SPIDR: variants seen among roughly 807,000 people sequenced by gnomAD.
SPIDR encodes the protein DNA repair-scaffolding protein.
SPIDR carries 93 observed loss-of-function variants against 104.6 expected under a neutral mutation model. That is an observed-to-expected ratio of 0.89 (90% CI 0.75 to 1.06). SPIDR has a LOEUF of 1.06. Ranked by LOEUF, SPIDR falls within the 50% of genes least tolerant of loss-of-function variation. The pLI, the probability that SPIDR is intolerant of heterozygous loss-of-function variation, is 0.00. For synonymous variants in SPIDR, 431 were observed against 416.9 expected (o/e 1.03, Z -0.41); for missense variants, 1,154 against 1,111.2 (o/e 1.04, Z -0.55).
chr8:47,551,275 C>T (rs922285780), intron 8 of SPIDR, among the ~76,000 whole-genome samples: 2 of 152,204 alleles, frequency 1.3e-5, no homozygotes, highest in Non-Finnish European at 2.9e-5. Flanking sequence ...CAGGATGATG[C>T]TGGCCTCATA....
At chr8:47,658,131 C>T (rs1419629589) in intron 10 of SPIDR, among the ~76,000 whole-genome samples, 2 of 151,498 alleles carry the variant, frequency 1.3e-5, no homozygotes, top group African/African-American at 4.8e-5. Flanking sequence ...AATTATACGA[C>T]GTCTTGGCCG....
At chr8:47,677,094 G>T (rs1020467810) in intron 11 of SPIDR, among the ~76,000 whole-genome samples, 1 of 152,186 alleles carries the variant, frequency 6.6e-6, no homozygotes, top group Non-Finnish European at 1.5e-5. Context: ...ATGCAGCATG[G>T]CCTGTGCTTC....
intron 5 of SPIDR, among the ~76,000 whole-genome samples, chr8:47,379,767 A>C (rs899980168): frequency 6.6e-6 from 1 of 152,142 alleles, no homozygotes; most frequent in Admixed American, 6.5e-5. Context: ...ATTCAAGCCC[A>C]TGTGCCTGCG....
At chr8:47,550,745 T>C (rs937484271) in intron 8 of SPIDR, among the ~76,000 whole-genome samples, 16 of 152,196 alleles carry the variant, frequency 1.1e-4, no homozygotes, top group Admixed American at 2.6e-4. Context: ...CATTTCCTAA[T>C]TGAATACCCT....
chr8:47,625,326 C>T (rs1426579495), intron 10 of SPIDR, among the ~76,000 whole-genome samples: 1 of 152,174 alleles, frequency 6.6e-6, no homozygotes, highest in Non-Finnish European at 1.5e-5. Context: ...AAAACTGGCA[C>T]AAGACAGGGA....
At chr8:47,542,149 C>T (rs1542721) in intron 8 of SPIDR, among the ~76,000 whole-genome samples, 21,459 of 151,180 alleles carry the variant, frequency 0.14, 2,050 homozygotes, top group Middle Eastern at 0.29. Context: ...CTGTAAGCAA[C>T]GTCGTCTTAA....
intron 10 of SPIDR, among the ~76,000 whole-genome samples, chr8:47,644,412 C>T (rs890011939): frequency 2.0e-5 from 3 of 152,170 alleles, no homozygotes; most frequent in African/African-American, 4.8e-5. Context: ...ATGACGTAAT[C>T]GTGTTACCTT....
At chr8:47,579,025 A>G (rs1409848204) in intron 8 of SPIDR, among the ~76,000 whole-genome samples, 2 of 152,168 alleles carry the variant, frequency 1.3e-5, no homozygotes, top group African/African-American at 4.8e-5. Flanking sequence ...GTTTAGAGTC[A>G]TTTTCTAAGA....
intron 5 of SPIDR, among the ~76,000 whole-genome samples, chr8:47,317,127 C>T (rs2045523221): frequency 6.6e-6 from 1 of 152,118 alleles, no homozygotes; most frequent in Non-Finnish European, 1.5e-5. Flanking sequence ...GTACAGTGCA[C>T]CCAGCGTGAG....
At chr8:47,702,346 C>T (rs2080411847) in intron 14 of SPIDR, among the ~76,000 whole-genome samples, 2 of 152,098 alleles carry the variant, frequency 1.3e-5, no homozygotes, top group African/African-American at 4.8e-5. Context: ...CTTCTCAGCC[C>T]AGTAATGTTC....
chr8:47,357,845 C>T (rs552646082), intron 5 of SPIDR: 571 of 984,644 alleles, frequency 5.8e-4, no homozygotes, highest in Non-Finnish European at 6.4e-4. Context: ...ACATGTTAAT[C>T]GTCTAGTGTT....
chr8:47,522,283 A>G (rs2084284632), intron 8 of SPIDR, among the ~76,000 whole-genome samples: 1 of 152,124 alleles, frequency 6.6e-6, no homozygotes, highest in Non-Finnish European at 1.5e-5. Flanking sequence ...TTCCCAATGG[A>G]GCATGTGCTT....
chr8:47,274,014 TC>T (rs2035862334), intron 1 of SPIDR, among the ~76,000 whole-genome samples: 2 of 152,024 alleles, frequency 1.3e-5, no homozygotes, highest in Admixed American at 1.3e-4. Context: ...GTGACCCCAT[TC>T]TCAAGTTATC....
chr8:47,410,980 G>C (rs1479238928), intron 7 of SPIDR, among the ~76,000 whole-genome samples: 1 of 152,148 alleles, frequency 6.6e-6, no homozygotes, highest in Non-Finnish European at 1.5e-5. Context: ...CCCTACAAAG[G>C]ACATGAACTC....
intron 14 of SPIDR, among the ~76,000 whole-genome samples, chr8:47,710,754 C>T (rs1414196417): frequency 6.6e-6 from 1 of 152,116 alleles, no homozygotes; most frequent in Non-Finnish European, 1.5e-5. Flanking sequence ...AGGCATGAGC[C>T]ACCACGACTG....
At chr8:47,478,268 A>G (rs374910588) in intron 8 of SPIDR, among the ~76,000 whole-genome samples, 8 of 152,302 alleles carry the variant, frequency 5.3e-5, no homozygotes, top group African/African-American at 1.9e-4. Context: ...AGGAGGAGCA[A>G]CCAGCGGGGT....
At chr8:47,390,070 G>A (rs2060397970) in intron 5 of SPIDR, among the ~76,000 whole-genome samples, 1 of 152,120 alleles carries the variant, frequency 6.6e-6, no homozygotes, top group Non-Finnish European at 1.5e-5. Context: ...TTAAGTAGGA[G>A]AGATAAAACA....
At chr8:47,515,070 G>T (rs936913054) in intron 8 of SPIDR, among the ~76,000 whole-genome samples, 1 of 152,118 alleles carries the variant, frequency 6.6e-6, no homozygotes, top group Non-Finnish European at 1.5e-5. Flanking sequence ...GAGGTCCCAG[G>T]GCAGGGTAGG....
At chr8:47,311,610 G>A (rs1349855622) in intron 5 of SPIDR, among the ~76,000 whole-genome samples, 1 of 152,086 alleles carries the variant, frequency 6.6e-6, no homozygotes, top group Non-Finnish European at 1.5e-5. Context: ...TTGAGCTAAG[G>A]AGTTTGAGAC....
Sources: allele counts gnomAD v4.1 joint callset (sites outside exome capture counted in the v4.1 genomes callset), GRCh38; gene constraint gnomAD v4.1.1; transcripts MANE v1.5; gene names NCBI Gene and HGNC (gene_info 2026-07-23, HGNC 2026-07-21).